The following MACROD2 variants were observed in gnomAD, a reference collection of about 807,000 sequenced individuals.
MACROD2 encodes the protein mono-ADP ribosylhydrolase 2.
A neutral mutation model predicts 70.4 loss-of-function variants in MACROD2; 36 were observed. The observed-to-expected ratio is 0.51, with a 90% CI of 0.39 to 0.68. The LOEUF is 0.68. Ranked by LOEUF, MACROD2 falls within the 30% of genes least tolerant of loss-of-function variation. MACROD2 has a pLI of 0.00. For missense variants in MACROD2, 496 were observed against 538.4 expected, an observed-to-expected ratio of 0.92 and a Z score of 0.78; for synonymous variants, 172 against 178.8, an observed-to-expected ratio of 0.96 and a Z score of 0.30.
At chr20:14,742,100 A>G (rs1424799468) in intron 5 of MACROD2, among the ~76,000 whole-genome samples, 2 of 152,166 alleles carry the variant, frequency 1.3e-5, no homozygotes, top group Non-Finnish European at 2.9e-5. Context: ...TTTTGTGCTC[A>G]ATCATTTGAA....
Position 15,764,420 on chromosome 20 carries a change from A to G in MACROD2, c.646-98325A>G, listed in dbSNP as rs561209834. The stretch of plus-strand genomic sequence containing the variant: ...GATGTCTAATAGGCATCTTAAAATT[A>G]ACTGTCTAAAAGGAACTCTTGACTC... On this transcript the variant is annotated intron_variant, in intron 8 of 17. Transcript: ENST00000684519. Among the ~76,000 whole-genome samples the G allele has an allele frequency of 7.9e-5, 12 of 152,266 alleles. No homozygotes were observed. In the South Asian group the frequency reaches 2.5e-3, roughly 32 times the overall value.
At chr20:15,450,286 T>C (rs1239239634) in intron 7 of MACROD2, among the ~76,000 whole-genome samples, 1 of 151,972 alleles carries the variant, frequency 6.6e-6, no homozygotes, top group Non-Finnish European at 1.5e-5. Context: ...CTCTTACCTA[T>C]GTATATTGGT....
intron 3 of MACROD2, among the ~76,000 whole-genome samples, chr20:14,387,999 C>G (rs2083486370): frequency 7.0e-6 from 1 of 141,938 alleles, no homozygotes; most frequent in Non-Finnish European, 1.5e-5. Context: ...TTATAGGTGA[C>G]TTTTATGTAA....
chr20:15,683,238 G>A (rs1318586693), intron 8 of MACROD2, among the ~76,000 whole-genome samples: 1 of 152,102 alleles, frequency 6.6e-6, no homozygotes, highest in Non-Finnish European at 1.5e-5. Context: ...TAATCTTCTC[G>A]TGGCACTTAC....
intron 8 of MACROD2, among the ~76,000 whole-genome samples, chr20:15,512,789 T>G (rs1042335823): frequency 6.6e-6 from 1 of 152,092 alleles, no homozygotes; most frequent in Non-Finnish European, 1.5e-5. Flanking sequence ...TTTAAGGAAT[T>G]AGGAAATGAA....
chr20:14,884,994 T>C (rs1403272424), intron 5 of MACROD2, among the ~76,000 whole-genome samples: 1 of 152,188 alleles, frequency 6.6e-6, no homozygotes, highest in Non-Finnish European at 1.5e-5. Context: ...CTTCCATTTG[T>C]CCTGCCTTTC....
chr20:14,883,446 G>A (rs889622428), intron 5 of MACROD2, among the ~76,000 whole-genome samples: 7 of 152,066 alleles, frequency 4.6e-5, no homozygotes, highest in African/African-American at 1.7e-4. Context: ...TCTGTGGTAA[G>A]CATGTCGGAC....
chr20:15,672,348 T>TACACACAC (rs3071295), intron 8 of MACROD2, among the ~76,000 whole-genome samples: 9,391 of 141,824 alleles, frequency 0.066, 400 homozygotes, highest in Non-Finnish European at 0.089. Flanking sequence ...TGTTCTATTT[T>TACACACAC]ACACACACAC....
chr20:14,115,040 T>A (rs935331645), intron 3 of MACROD2, among the ~76,000 whole-genome samples: 6 of 152,146 alleles, frequency 3.9e-5, no homozygotes, highest in African/African-American at 1.4e-4. Flanking sequence ...AAATGGTTAC[T>A]GAGTCCAGTA....
chr20:15,053,926 C>A (rs1311903683), intron 5 of MACROD2, among the ~76,000 whole-genome samples: 1 of 152,174 alleles, frequency 6.6e-6, no homozygotes, highest in Non-Finnish European at 1.5e-5. Flanking sequence ...TTGATTTCAA[C>A]TCTTATGGAT....
At chr20:14,621,827 G>A (rs1382980852) in intron 4 of MACROD2, 1 of 152,176 alleles carries the variant, frequency 6.6e-6, no homozygotes, top group African/African-American at 2.4e-5. Flanking sequence ...TGAAGGTCAA[G>A]TATACACCAT....
intron 5 of MACROD2, chr20:14,895,204 G>A (rs2073812878): frequency 6.6e-6 from 1 of 152,172 alleles, no homozygotes; most frequent in South Asian, 2.1e-4. Context: ...AATGTGTGTT[G>A]GGAAGTGCTT....
intron 2 of MACROD2, among the ~76,000 whole-genome samples, chr20:14,059,335 A>T (rs2053666593): frequency 6.6e-6 from 1 of 152,226 alleles, no homozygotes; most frequent in African/African-American, 2.4e-5. Context: ...TCAAAAATTT[A>T]TTGAGCACCT....
chr20:15,342,316 A>T (rs1034853481), intron 6 of MACROD2, among the ~76,000 whole-genome samples: 1 of 152,216 alleles, frequency 6.6e-6, no homozygotes, highest in East Asian at 1.9e-4. Flanking sequence ...ATTTAGGGCT[A>T]TATGGGTTCC....
intron 5 of MACROD2, among the ~76,000 whole-genome samples, chr20:14,832,103 C>T (rs1436394409): frequency 1.6e-5 from 2 of 128,782 alleles, no homozygotes; most frequent in Non-Finnish European, 3.1e-5. Flanking sequence ...AGTGCAGTGG[C>T]ACGATCTCGG....
chr20:15,380,888 A>G (rs1045343190), intron 6 of MACROD2, among the ~76,000 whole-genome samples: 61 of 152,344 alleles, frequency 4.0e-4, no homozygotes, highest in African/African-American at 1.4e-3. Flanking sequence ...AGCTAATATA[A>G]TAAAAACTCA....
chr20:14,793,644 G>A (rs2072476636), intron 5 of MACROD2, among the ~76,000 whole-genome samples: 1 of 151,940 alleles, frequency 6.6e-6, no homozygotes, highest in African/African-American at 2.4e-5. Flanking sequence ...AAGGATGGGG[G>A]AACAAATTAA....
intron 3 of MACROD2, among the ~76,000 whole-genome samples, chr20:14,253,292 T>C (rs976391887): frequency 2.6e-5 from 4 of 152,166 alleles, no homozygotes; most frequent in African/African-American, 7.2e-5. Context: ...TATAGTCTTA[T>C]GGTTTTCAAA....
chr20:15,216,330 T>C (rs961723444), intron 5 of MACROD2, among the ~76,000 whole-genome samples: 1 of 151,796 alleles, frequency 6.6e-6, no homozygotes. Context: ...ACACCTACTA[T>C]GTACCCACAA....
Sources: allele counts gnomAD v4.1 joint callset (sites outside exome capture counted in the v4.1 genomes callset), GRCh38; gene constraint gnomAD v4.1.1; transcripts MANE v1.5; gene names NCBI Gene and HGNC (gene_info 2026-07-23, HGNC 2026-07-21).